The following FBF1 variants were observed in gnomAD, a reference collection of about 807,000 sequenced individuals.
FBF1 encodes the protein Fas binding factor 1, also known as fas-binding factor 1.
In FBF1, 119 loss-of-function variants were observed where a neutral mutation model predicts 147.2. The ratio of observed to expected loss-of-function variants is 0.81; its 90% CI spans 0.70 to 0.94. FBF1 has a LOEUF of 0.94. Ranked by LOEUF, FBF1 falls within the 40% of genes least tolerant of loss-of-function variation. The probability of loss-of-function intolerance (pLI) is 0.00; values close to 1 mark genes in which losing one functional copy is unlikely to be tolerated. For missense variants in FBF1, 1,449 were observed against 1,500.8 expected (o/e 0.97, Z 0.57); for synonymous variants, 601 against 609.0 (o/e 0.99, Z 0.19).
At chr17:75,913,653 G>T in intron 28 of FBF1, 49 bp downstream of exon 28, 1 of 1,476,160 alleles carries the variant, frequency 6.8e-7, no homozygotes, top group Non-Finnish European at 9.1e-7. Flanking sequence ...TCCTAGCACT[G>T]CCCCTGCCCA....
intron 10 of FBF1, 27 bp from the exon 11 acceptor site, chr17:75,926,453 C>G: frequency 6.6e-7 from 1 of 1,523,780 alleles, no homozygotes; most frequent in Non-Finnish European, 8.8e-7. Context: ...GGCCCAATGC[C>G]TGCAGCCTTC....
At chr17:75,934,908 C>T (rs987036472) in intron 4 of FBF1, among the ~76,000 whole-genome samples, 1 of 149,766 alleles carries the variant, frequency 6.7e-6, no homozygotes, top group African/African-American at 2.5e-5. Flanking sequence ...AGGTAAGATG[C>T]TGTGTGATTC....
intron 15 of FBF1, 150 bp from the exon 16 acceptor site, chr17:75,921,710 C>A: frequency 8.1e-5 from 14 of 172,376 alleles, no homozygotes; most frequent in South Asian, 7.4e-4. Context: ...TGGGCAGCCT[C>A]TGCTGGGACA....
Position 75,933,054 on chromosome 17 carries a change from T to A in FBF1, c.108A>T (p.Ser36=), listed in dbSNP as rs144430184. 6.2e-7 allele frequency: 1 copy of A among 1,607,946 alleles called. No individual in the cohort carries two copies. The highest frequency in any genetic ancestry group is 1.3e-5 in the African/African-American group (1 of 74,948). ...TLPEKPVKLA[S]HTRDTTGVSQ... ...ATACACCTGTGGTGTCTCTGGTATG[T>A]GAAGCTAGTTTAACAGGCTTCTCAG... is the stretch of plus-strand genomic sequence containing the variant. Residue 36 remains serine, a synonymous_variant, in exon 5 of 30, where the codon TCA becomes TCT. Transcript: ENST00000636174.
At chr17:75,937,704 G>A in intron 2 of FBF1, 111 bp from the exon 3 acceptor site, 2 of 1,058,376 alleles carry the variant, frequency 1.9e-6, no homozygotes, top group Non-Finnish European at 1.5e-6. Flanking sequence ...AGAGGCAAGA[G>A]CACCAATGGC....
chr17:75,919,686 C>T lies in FBF1; in HGVS notation c.2120G>A (p.Arg707Gln), dbSNP rs781435428. 1.1e-5 allele frequency: 17 copies of T among 1,607,608 alleles called. No homozygotes were observed. Among genetic ancestry groups the T allele is most frequent in the Admixed American group, 8.5e-5 (5 of 58,978 alleles). ...IAQEKDQEME[R>Q]LRELQRASIL... ...GCCTCACCGCTGCAGCTCCCGGAGC[C>T]GCTCCATTTCCTGGTCCTTCTCCTG... The change falls in exon 20 of 30, where the codon CGG (arginine) becomes CAG (glutamine). Residue 707 changes from arginine to glutamine, a missense_variant. Transcript: ENST00000636174. This position sits in a 1 kb window ranked among gnomAD's most constrained non-coding sequence, Gnocchi z 5.0.
Position 75,921,466 on chromosome 17 carries a change from A to G in FBF1, c.1615+6T>C, listed in dbSNP as rs1275994008. On this transcript the variant is annotated splice_donor_region_variant and intron_variant, in intron 16 of 29. Coordinates refer to ENST00000636174, the MANE Select transcript of FBF1 (RefSeq NM_001319193.2). ...TCCCAAATGAAGCAGCAAACAAAAA[A>G]CAAACCAGTGGCTGAGAGGTCTCCA... 6.2e-7 allele frequency: 1 copy of G among 1,611,314 alleles called. No homozygotes were observed.
At chr17:75,916,491 G>T (rs1162063571) in intron 23 of FBF1, among the ~76,000 whole-genome samples, 4 of 152,068 alleles carry the variant, frequency 2.6e-5, no homozygotes, top group African/African-American at 9.7e-5. Flanking sequence ...GTGGTGGTTT[G>T]CGCCTGTAGT....
chr17:75,931,740 G>A (rs556590853), intron 5 of FBF1, among the ~76,000 whole-genome samples: 23 of 151,544 alleles, frequency 1.5e-4, no homozygotes, highest in Admixed American at 3.9e-4. Context: ...CTGACATTGC[G>A]CCACTGCACT....
In FBF1 at chr17:75,925,911, C is replaced by T. The variant is rs752821107; in HGVS notation, c.868+119G>A. ...AGTATTATTTTGTCTCAGCTATAGA[C>T]GTGTATAATCACATGTGTGTATCAG... On this transcript the variant is annotated intron_variant, in intron 12 of 29. Transcript: ENST00000636174. This position sits in a 1 kb window ranked among gnomAD's most constrained non-coding sequence, Gnocchi z 5.0. 45 of 1,338,248 alleles carry T rather than the reference C, an allele frequency of 3.4e-5. No homozygotes were observed. Among genetic ancestry groups the T allele is most frequent in the East Asian group, 2.8e-4 (11 of 39,550 alleles). 82.9% of individuals were successfully genotyped at this position (1,338,248 alleles called of 1,614,324 possible). A position where few individuals can be genotyped will look rare whatever the true frequency, so the allele number is the denominator to read the frequency against.
chr17:75,934,430 G>A (rs990745381), intron 4 of FBF1, among the ~76,000 whole-genome samples: 6 of 151,982 alleles, frequency 3.9e-5, no homozygotes, highest in Non-Finnish European at 1.5e-5. Context: ...TTGTGGTGGT[G>A]CATGCCTGTA....
At chr17:75,916,250 G>T (rs754227494) in intron 23 of FBF1, among the ~76,000 whole-genome samples, 1 of 151,708 alleles carries the variant, frequency 6.6e-6, no homozygotes, top group Non-Finnish European at 1.5e-5. Flanking sequence ...AGCCCAGGAG[G>T]TTCAAGCTGC....
rs199938901 is a variant in FBF1, at chr17:75,926,825, G to A, written c.528C>T (p.Thr176=). 110 of 1,613,660 alleles carry A rather than the reference G, an allele frequency of 6.8e-5. No homozygotes were observed. The highest frequency in any genetic ancestry group is 8.9e-5 in the Non-Finnish European group (105 of 1,179,828). The change falls in exon 10 of 30, where the codon ACC becomes ACT. Residue 176 remains threonine, a synonymous_variant. Transcript: ENST00000636174. ...TACTCTGTGTCACAGGCGGCTGCTT[G>A]GTGATTCCTCCTTCATCATAGGAGA... The part of the protein sequence containing the change: ...GLLSYDEGGI[T]KQPPVTQSKT...
intron 23 of FBF1, among the ~76,000 whole-genome samples, chr17:75,916,311 C>A (rs1283679740): frequency 6.8e-6 from 1 of 148,068 alleles, no homozygotes; most frequent in African/African-American, 2.5e-5. Flanking sequence ...CAGTGAGACC[C>A]CATCTCTAAA....
intron 29 of FBF1, among the ~76,000 whole-genome samples, chr17:75,911,828 A>G (rs2065458359): frequency 6.6e-6 from 1 of 150,776 alleles, no homozygotes; most frequent in African/African-American, 2.4e-5. Flanking sequence ...TTAGTTTTTC[A>G]TTTTGTAGAG....
At position 75,922,170 on chromosome 17, in the gene FBF1, C is replaced by T. The variant is rs2065532114; in HGVS notation, c.1425-124G>A. On this transcript the variant is annotated intron_variant, in intron 14 of 29. Transcript: ENST00000636174. The surrounding 1 kb of genome is among the most constrained non-coding windows in gnomAD (Gnocchi z 5.0). ...CCCCCCTTCCTCCTGCTTCCACCAT[C>T]CCGTCTTGGGGCATTCTCCTCCCAC... 2 of 765,142 alleles carry T rather than the reference C, an allele frequency of 2.6e-6. No homozygotes were observed. The highest frequency in any genetic ancestry group is 1.7e-5 in the African/African-American group (1 of 57,548). The allele number at this position is 765,142 out of a possible 1,614,324, so 47.4% of individuals were successfully genotyped here. A position where few individuals can be genotyped will look rare whatever the true frequency, so the allele number is the denominator to read the frequency against.
At chr17:75,916,697 G>A (rs1361146572) in intron 23 of FBF1, among the ~76,000 whole-genome samples, 3 of 152,188 alleles carry the variant, frequency 2.0e-5, no homozygotes, top group Admixed American at 2.0e-4. Context: ...GGGAGGACAA[G>A]GAAGGCTTTG....
In FBF1 at chr17:75,925,588, A is replaced by G. The variant is rs2065555231; in HGVS notation, c.869-142T>C. 4.2e-6 allele frequency: 3 copies of G among 721,692 alleles called. No homozygotes were observed. Among genetic ancestry groups the G allele is most frequent in the Non-Finnish European group, 4.6e-6 (2 of 434,788 alleles). The allele number at this position is 721,692 out of a possible 1,614,324, so 44.7% of individuals were successfully genotyped here. ...GAAGCTGCTGTGAAGGGAGCACCTC[A>G]GGCACTGGCCAGGAAGATGCAGTGG... On this transcript the variant is annotated intron_variant, in intron 12 of 29. Coordinates refer to ENST00000636174, the MANE Select transcript of FBF1 (RefSeq NM_001319193.2). The surrounding 1 kb of genome is among the most constrained non-coding windows in gnomAD (Gnocchi z 5.0).
rs1315977581 is a variant in FBF1, at chr17:75,915,001, C to A, written c.2628+16G>T. 3 of 1,612,750 alleles carry A rather than the reference C, an allele frequency of 1.9e-6. No individual in the cohort carries two copies. Among genetic ancestry groups the A allele is most frequent in the Non-Finnish European group, 2.5e-6 (3 of 1,179,576 alleles). ...TAATGGCAGGGGCAGGGGCTGAGTG[C>A]GGTGGCTTGACTCACCTTGGCCCGT... On this transcript the variant is annotated intron_variant, in intron 24 of 29. Transcript: ENST00000636174.
Sources: allele counts gnomAD v4.1 joint callset (sites outside exome capture counted in the v4.1 genomes callset), GRCh38; gene constraint gnomAD v4.1.1; non-coding constraint Gnocchi (gnomAD v3.1); transcripts MANE v1.5; gene names NCBI Gene and HGNC (gene_info 2026-07-23, HGNC 2026-07-21).